The following SV2C variants were observed in gnomAD, a reference collection of about 807,000 sequenced individuals.
SV2C encodes synaptic vesicle glycoprotein 2C, also known as solute carrier family 22 member B3.
Under a neutral mutation model 79.7 loss-of-function variants are expected in SV2C, and 49 were observed. That is an observed-to-expected ratio of 0.61 (90% CI 0.49 to 0.78). SV2C has a LOEUF of 0.78. SV2C is among the 30% of genes least tolerant of loss of function. The pLI is 0.00. For missense variants in SV2C, 833 were observed against 912.9 expected, an observed-to-expected ratio of 0.91 and a Z score of 1.13; for synonymous variants, 334 against 333.2, an observed-to-expected ratio of 1.00 and a Z score of -0.03.
chr5:76,187,003 C>G (rs1743940931), intron 2 of SV2C, among the ~76,000 whole-genome samples: 1 of 152,188 alleles, frequency 6.6e-6, no homozygotes, highest in Non-Finnish European at 1.5e-5. Context: ...CACCACTTTT[C>G]TCCCTCAGCA....
the SV2C span, among the ~76,000 whole-genome samples, chr5:76,065,995 C>A: frequency 3.9e-5 from 6 of 152,054 alleles, no homozygotes; most frequent in Non-Finnish European, 5.9e-5. Flanking sequence ...AATAGCAGCA[C>A]CAGTTTAAAC....
chr5:76,311,980 C>T (rs138521438), intron 12 of SV2C, among the ~76,000 whole-genome samples: 34 of 152,288 alleles, frequency 2.2e-4, no homozygotes, highest in East Asian at 1.9e-3. Context: ...CTCTTGAAGT[C>T]TTCAAAATGA....
chr5:76,140,762 C>T (rs1749225946), intron 2 of SV2C, among the ~76,000 whole-genome samples: 1 of 152,088 alleles, frequency 6.6e-6, no homozygotes, highest in Non-Finnish European at 1.5e-5. Context: ...AACTTTTTTT[C>T]CCTACAAGTG....
chr5:76,003,137 G>A, the SV2C span, among the ~76,000 whole-genome samples: 5 of 152,116 alleles, frequency 3.3e-5, no homozygotes, highest in South Asian at 2.1e-4. Context: ...GAATAAGGAC[G>A]TCTTTGCTTC....
the SV2C span, among the ~76,000 whole-genome samples, chr5:75,885,808 C>T: frequency 2.6e-5 from 4 of 152,022 alleles, no homozygotes; most frequent in African/African-American, 4.8e-5. Flanking sequence ...CAGACTCTTC[C>T]CAGTTTTTGA....
chr5:76,160,493 G>C (rs1742866733), intron 2 of SV2C, among the ~76,000 whole-genome samples: 1 of 152,098 alleles, frequency 6.6e-6, no homozygotes, highest in African/African-American at 2.4e-5. Context: ...TATTCGCAAA[G>C]GATTCTTAAA....
At chr5:76,105,081 T>A (rs1423372213) in intron 1 of SV2C, among the ~76,000 whole-genome samples, 1 of 152,134 alleles carries the variant, frequency 6.6e-6, no homozygotes, top group Non-Finnish European at 1.5e-5. Flanking sequence ...TCATACTGGA[T>A]GAAGGTGGGC....
chr5:75,947,296 A>C, the SV2C span, among the ~76,000 whole-genome samples: 1 of 151,960 alleles, frequency 6.6e-6, no homozygotes, highest in Non-Finnish European at 1.5e-5. Context: ...CCTCCAAATT[A>C]TGTCTTTGGA....
chr5:75,954,294 G>A, the SV2C span, among the ~76,000 whole-genome samples: 2 of 151,964 alleles, frequency 1.3e-5, no homozygotes, highest in Admixed American at 6.6e-5. Flanking sequence ...GGCAGGCTAA[G>A]TTGTTTCAGG....
At chr5:76,188,529 T>C (rs1743992039) in intron 2 of SV2C, among the ~76,000 whole-genome samples, 1 of 152,016 alleles carries the variant, frequency 6.6e-6, no homozygotes, top group Admixed American at 6.6e-5. Flanking sequence ...AAGTTCAGAG[T>C]GGTAAATGGT....
intron 2 of SV2C, chr5:76,173,838 T>C (rs1229380518): frequency 1.3e-6 from 2 of 1,597,894 alleles, no homozygotes; most frequent in Non-Finnish European, 1.7e-6. Flanking sequence ...TCACACTTAT[T>C]ACCAACAAGA....
At chr5:76,039,879 A>T in the SV2C span, among the ~76,000 whole-genome samples, 1 of 152,164 alleles carries the variant, frequency 6.6e-6, no homozygotes, top group African/African-American at 2.4e-5. Context: ...ATATGGATAG[A>T]TGCCCAATCT....
chr5:76,295,673 C>T, intron 8 of SV2C, 105 bp from the exon 9 acceptor site: 1 of 1,105,994 alleles, frequency 9.0e-7, no homozygotes, highest in Non-Finnish European at 1.3e-6. Context: ...TATAGGGAGC[C>T]AGCCATTCTC....
the SV2C span, among the ~76,000 whole-genome samples, chr5:75,882,244 TAAAAG>T: frequency 6.6e-6 from 1 of 151,592 alleles, no homozygotes; most frequent in Non-Finnish European, 1.5e-5. Context: ...ATCGAGGAAA[TAAAAG>T]AGGATACAAA....
chr5:76,048,033 G>A, the SV2C span, among the ~76,000 whole-genome samples: 2 of 152,078 alleles, frequency 1.3e-5, no homozygotes, highest in Non-Finnish European at 2.9e-5. Flanking sequence ...TTGAGGTAAT[G>A]CACATATTAA....
At chr5:76,336,072 CGG>C (rs1749315593), downstream of SV2C, among the ~76,000 whole-genome samples, 1 of 66,340 alleles carries the variant, frequency 1.5e-5, no homozygotes, top group Non-Finnish European at 4.9e-5. Flanking sequence ...ACCTCCCTCC[CGG>C]ACGGGGCGGC....
At chr5:76,184,620 G>C (rs1743852943) in intron 2 of SV2C, among the ~76,000 whole-genome samples, 1 of 152,220 alleles carries the variant, frequency 6.6e-6, no homozygotes, top group South Asian at 2.1e-4. Context: ...GAGAATGAGT[G>C]CTGAGCGAAG....
chr5:76,249,822 C>A (rs552202638), intron 4 of SV2C, among the ~76,000 whole-genome samples: 6 of 152,174 alleles, frequency 3.9e-5, no homozygotes, highest in Non-Finnish European at 8.8e-5. Flanking sequence ...CTGAGCGAGA[C>A]CCAATCGAAG....
chr5:75,852,977 A>G, the SV2C span, among the ~76,000 whole-genome samples: 1 of 152,212 alleles, frequency 6.6e-6, no homozygotes, highest in African/African-American at 2.4e-5. Flanking sequence ...AACAATTTAA[A>G]AACTTACCTA....
Sources: allele counts gnomAD v4.1 joint callset (sites outside exome capture counted in the v4.1 genomes callset), GRCh38; gene constraint gnomAD v4.1.1; transcripts MANE v1.5; gene names NCBI Gene and HGNC (gene_info 2026-07-23, HGNC 2026-07-21).